The following HSD17B11 variants were observed in gnomAD, a reference collection of about 807,000 sequenced individuals.
HSD17B11 encodes the protein estradiol 17-beta-dehydrogenase 11.
HSD17B11 carries 22 observed loss-of-function variants against 27.8 expected under a neutral mutation model. The observed-to-expected ratio is 0.79, with a 90% CI of 0.56 to 1.13. The LOEUF (loss-of-function observed/expected upper bound fraction) is 1.13. Ranked by LOEUF, HSD17B11 falls within the 50% of genes most tolerant of loss-of-function variation. HSD17B11 has a pLI of 0.00. For missense variants in HSD17B11, 314 were observed against 351.1 expected (o/e 0.89, Z 0.84); for synonymous variants, 117 against 132.8 (o/e 0.88, Z 0.82).
Position 87,374,845 on chromosome 4 carries a change from A to C in HSD17B11, c.319-15T>G, listed in dbSNP as rs758677313. ...TCTGCCTTCACCTTCAAAAAATAAAATAAGAAAAGTAAATTCATTAAGAGG... is the reference window on the plus strand; with the variant it reads ...TCTGCCTTCACCTTCAAAAAATAAACTAAGAAAAGTAAATTCATTAAGAGG... On this transcript the variant is annotated splice_polypyrimidine_tract_variant and intron_variant, in intron 2 of 6. Coordinates refer to ENST00000358290, the MANE Select transcript of HSD17B11 (RefSeq NM_016245.5). 1 of 1,545,424 alleles carries C rather than the reference A, an allele frequency of 6.5e-7. No homozygotes were observed. Among genetic ancestry groups the C allele is most frequent in the South Asian group, 1.2e-5 (1 of 83,990 alleles).
chr4:87,343,052 A>T (rs73841145), intron 5 of HSD17B11, among the ~76,000 whole-genome samples: 8,324 of 152,224 alleles, frequency 0.055, 732 homozygotes, highest in African/African-American at 0.19. Flanking sequence ...CACCTGTGTA[A>T]ATAGAGCACT....
At chr4:87,339,373 G>C (rs59476561) in intron 6 of HSD17B11, among the ~76,000 whole-genome samples, 2 of 152,084 alleles carry the variant, frequency 1.3e-5, no homozygotes, top group African/African-American at 4.8e-5. Context: ...TTTGCTCTTC[G>C]CATCAGTAAT....
chr4:87,345,939 TTC>T lies in HSD17B11; in HGVS notation c.696-5335_696-5334del, dbSNP rs538985683. Among the ~76,000 whole-genome samples the T allele has an allele frequency of 4.2e-4, 64 of 152,338 alleles. 1 individual carries two copies. In the East Asian group the frequency reaches 0.01, roughly 24 times the overall value. On this transcript the variant is annotated intron_variant, in intron 5 of 6. Transcript: ENST00000358290. Reference sequence around the variant, plus strand: ...AGAAGAGGAGGAAATTCTTAATTCATTCTCTGAGTCCCGAATTACCCCGATAC... The same window carrying T: ...AGAAGAGGAGGAAATTCTTAATTCATTCTGAGTCCCGAATTACCCCGATAC...
At chr4:87,354,394 G>A (rs1055691739) in intron 5 of HSD17B11, among the ~76,000 whole-genome samples, 1 of 152,066 alleles carries the variant, frequency 6.6e-6, no homozygotes, top group Non-Finnish European at 1.5e-5. Context: ...CTGAAGTTGG[G>A]AGAATGACTT....
intron 2 of HSD17B11, among the ~76,000 whole-genome samples, chr4:87,380,722 G>A (rs1271339622): frequency 6.6e-6 from 1 of 151,636 alleles, no homozygotes; most frequent in Non-Finnish European, 1.5e-5. Flanking sequence ...GCCAAGCGTG[G>A]TGACGGGCGC....
At chr4:87,374,438 T>G (rs1177544184) in intron 3 of HSD17B11, 1 of 259,444 alleles carries the variant, frequency 3.9e-6, no homozygotes, top group Non-Finnish European at 7.3e-6. Flanking sequence ...CACAGAAATG[T>G]GAGAACCTAG....
chr4:87,365,678 T>C (rs10050247), intron 4 of HSD17B11, among the ~76,000 whole-genome samples: 29,571 of 152,000 alleles, frequency 0.19, 3,783 homozygotes, highest in African/African-American at 0.36. Context: ...AGCATTGTAA[T>C]GTGTAATTAA....
rs542654712 is a variant in HSD17B11 at position 87,390,966 on chromosome 4, G to A, written c.105C>T (p.Thr35=). 15 of 1,613,978 alleles carry A rather than the reference G, an allele frequency of 9.3e-6. No homozygotes were observed. The highest frequency in any genetic ancestry group is 4.5e-5 in the East Asian group (2 of 44,878). The stretch of plus-strand genomic sequence containing the variant: ...CTCCTGTAATCAGCACGATTTCGCC[G>A]GTGACTGATTTTCTCCTCTTAGGAA... ...LFIPKRRKSV[T]GEIVLITGAG... is the part of the protein sequence containing the mutation. Residue 35 remains threonine, a synonymous_variant, in exon 1 of 7, where the codon ACC becomes ACT. Coordinates refer to ENST00000358290, the MANE Select transcript of HSD17B11 (RefSeq NM_016245.5).
chr4:87,354,198 G>C (rs1258023279), intron 5 of HSD17B11, among the ~76,000 whole-genome samples: 3 of 152,008 alleles, frequency 2.0e-5, no homozygotes, highest in African/African-American at 7.3e-5. Flanking sequence ...CTTCCCTGTG[G>C]GATGACTTAA....
At chr4:87,358,790 A>C (rs898312375) in intron 4 of HSD17B11, among the ~76,000 whole-genome samples, 2 of 152,160 alleles carry the variant, frequency 1.3e-5, no homozygotes, top group Non-Finnish European at 2.9e-5. Context: ...TTTTTTAAAA[A>C]ATTTTAAAAA....
intron 2 of HSD17B11, among the ~76,000 whole-genome samples, chr4:87,379,023 T>A (rs1275768687): frequency 7.3e-6 from 1 of 136,228 alleles, no homozygotes; most frequent in Non-Finnish European, 1.6e-5. Context: ...AGTGGCATGA[T>A]CTCAGCTCAC....
intron 4 of HSD17B11, among the ~76,000 whole-genome samples, chr4:87,365,732 G>A (rs1254145390): frequency 7.8e-6 from 1 of 127,740 alleles, no homozygotes; most frequent in Non-Finnish European, 1.6e-5. Context: ...TATAAAAAAG[G>A]TGAAATGTGT....
At chr4:87,377,101 G>A (rs1306285380) in intron 2 of HSD17B11, among the ~76,000 whole-genome samples, 2 of 151,758 alleles carry the variant, frequency 1.3e-5, no homozygotes, top group East Asian at 3.9e-4. Flanking sequence ...TTGCACGCCC[G>A]CCTGGGTGAC....
chr4:87,391,159 A>G lies in HSD17B11; in HGVS notation c.-89T>C. On this transcript the variant is annotated 5_prime_UTR_variant, in exon 1 of 7. Transcript: ENST00000358290. ...AGAGGGTAGCTCGATCTAACACCAG[A>G]AAGAGTAGGGGCGAGAGCAAGGAGG... 1.1e-6 allele frequency: 1 copy of G among 937,732 alleles called. No homozygotes were observed. The highest frequency in any genetic ancestry group is 1.6e-5 in the South Asian group (1 of 63,016). The allele number at this position is 937,732 out of a possible 1,614,324, so 58.1% of individuals were successfully genotyped here.
chr4:87,358,393 G>A (rs1003051637), intron 4 of HSD17B11, among the ~76,000 whole-genome samples: 1 of 152,146 alleles, frequency 6.6e-6, no homozygotes, highest in Non-Finnish European at 1.5e-5. Context: ...TTTGTCAAAT[G>A]AATGAATCAC....
chr4:87,346,808 G>C (rs890991485), intron 5 of HSD17B11, among the ~76,000 whole-genome samples: 2 of 152,040 alleles, frequency 1.3e-5, no homozygotes, highest in Admixed American at 1.3e-4. Flanking sequence ...CTATAGCCCA[G>C]CTACTTGGGA....
chr4:87,337,042 T>C lies in HSD17B11; in HGVS notation c.*234A>G. 5.0e-6 allele frequency: 2 copies of C among 403,556 alleles called. No individual in the cohort carries two copies. Among genetic ancestry groups the C allele is most frequent in the Non-Finnish European group, 8.7e-6 (2 of 229,988 alleles). 25.0% of individuals were successfully genotyped at this position (403,556 alleles called of 1,614,324 possible). A position where few individuals can be genotyped will look rare whatever the true frequency, so the allele number is the denominator to read the frequency against. ...TATTTTAATAAAGTCATTTTGGTTC[T>C]TTTTCTTCATTTTCCTTAAAGTCAC... On this transcript the variant is annotated 3_prime_UTR_variant, in exon 7 of 7. Transcript: ENST00000358290.
intron 1 of HSD17B11, 89 bp downstream of exon 1, chr4:87,390,772 G>T: frequency 8.9e-7 from 1 of 1,123,950 alleles, no homozygotes; most frequent in Non-Finnish European, 1.3e-6. Flanking sequence ...CTGCTTTGCA[G>T]AGATGAGGTA....
intron 4 of HSD17B11, among the ~76,000 whole-genome samples, chr4:87,372,056 C>T (rs922716740): frequency 7.9e-5 from 12 of 152,160 alleles, no homozygotes; most frequent in Non-Finnish European, 1.0e-4. Flanking sequence ...TCCTGGCTAA[C>T]ACAGTGAAAC....
Sources: gnomAD v4.1 joint callset for allele counts (sites outside exome capture counted in the v4.1 genomes callset) on GRCh38, gnomAD v4.1.1 for gene constraint, MANE v1.5 for transcripts, NCBI Gene and HGNC (gene_info 2026-07-23, HGNC 2026-07-21) for gene names.